DENND2B: variants seen among roughly 807,000 people sequenced by gnomAD.
DENND2B encodes the protein DENN domain containing 2B, also known as DENN domain-containing protein 2B.
In DENND2B, 32 loss-of-function variants were observed where a neutral mutation model predicts 116.0. That is an observed-to-expected ratio of 0.28 (90% CI 0.21 to 0.37). DENND2B has a LOEUF of 0.37. Ranked by LOEUF, DENND2B falls within the 10% of genes least tolerant of loss-of-function variation. DENND2B has a pLI of 1.00. For synonymous variants in DENND2B, 588 were observed against 583.9 expected (o/e 1.01, Z -0.10); for missense variants, 1,276 against 1,477.7 (o/e 0.86, Z 2.24).
chr11:8,877,127 G>A (rs1338269751), intron 2 of DENND2B, among the ~76,000 whole-genome samples: 19 of 110,566 alleles, frequency 1.7e-4, no homozygotes, highest in Admixed American at 6.1e-4. Flanking sequence ...TTTTTGAGAC[G>A]GACTCTCACT....
At chr11:8,741,999 T>G (rs531420860) in intron 2 of DENND2B, among the ~76,000 whole-genome samples, 1 of 152,322 alleles carries the variant, frequency 6.6e-6, no homozygotes, top group South Asian at 2.1e-4. Flanking sequence ...CAAGCGAGCC[T>G]CCCGCCTCAG....
At chr11:8,784,098 T>TA (rs2134277781) in intron 1 of DENND2B, 1 of 152,220 alleles carries the variant, frequency 6.6e-6, no homozygotes, top group South Asian at 2.1e-4. Context: ...TAGAACTTCA[T>TA]AAAGTCTGTC....
intron 3 of DENND2B, chr11:8,857,231 G>A (rs762367475): frequency 6.6e-6 from 1 of 152,156 alleles, no homozygotes; most frequent in Non-Finnish European, 1.5e-5. Context: ...AGAAAGCTGA[G>A]TATACACATA....
chr11:8,737,799 G>A (rs150161957), intron 2 of DENND2B, among the ~76,000 whole-genome samples: 90 of 150,046 alleles, frequency 6.0e-4, no homozygotes, highest in African/African-American at 2.0e-3. Flanking sequence ...TTGCTCTGTC[G>A]CTCAGGCTGG....
chr11:8,716,049 G>A (rs1340245537), intron 5 of DENND2B, among the ~76,000 whole-genome samples: 3 of 152,218 alleles, frequency 2.0e-5, no homozygotes, highest in Non-Finnish European at 2.9e-5. Context: ...AGCAAAAAAC[G>A]AAAGCAGAGG....
chr11:8,812,566 T>C (rs1056556753), upstream of DENND2B, among the ~76,000 whole-genome samples: 1 of 151,886 alleles, frequency 6.6e-6, no homozygotes, highest in Admixed American at 6.6e-5. Flanking sequence ...CTAGAAACAA[T>C]CCCCAAGCCT....
At chr11:8,697,159 A>AT (rs2040510284) in intron 17 of DENND2B, among the ~76,000 whole-genome samples, 1 of 152,264 alleles carries the variant, frequency 6.6e-6, no homozygotes, top group Non-Finnish European at 1.5e-5. Flanking sequence ...AAGTTGAAAC[A>AT]TAATTGCTGG....
intron 4 of DENND2B, among the ~76,000 whole-genome samples, chr11:8,826,499 T>C (rs2061982864): frequency 6.6e-6 from 1 of 152,198 alleles, no homozygotes; most frequent in South Asian, 2.1e-4. Flanking sequence ...TCTTCAGGGA[T>C]TGCTGGGATA....
intron 1 of DENND2B, among the ~76,000 whole-genome samples, chr11:8,770,110 C>T (rs1194308586): frequency 6.6e-6 from 1 of 152,242 alleles, no homozygotes; most frequent in East Asian, 1.9e-4. Context: ...ATGCTCAGAG[C>T]AGCATCTGCA....
intron 1 of DENND2B, among the ~76,000 whole-genome samples, chr11:8,759,183 C>A (rs529850163): frequency 6.6e-6 from 1 of 152,220 alleles, no homozygotes; most frequent in Non-Finnish European, 1.5e-5. Flanking sequence ...GGGTGCCCCA[C>A]CTCTAAGAAT....
chr11:8,886,036 G>C (rs10769968), intron 1 of DENND2B, among the ~76,000 whole-genome samples: 53,179 of 151,882 alleles, frequency 0.35, 10,680 homozygotes, highest in Non-Finnish European at 0.44. Context: ...GACCTCCCAG[G>C]TTCAAGTGAT....
At chr11:8,715,427 G>T (rs1157726171) in intron 6 of DENND2B, 176 bp downstream of exon 6, 1 of 634,104 alleles carries the variant, frequency 1.6e-6, no homozygotes, top group Non-Finnish European at 2.7e-6. Context: ...TTATTGATAA[G>T]AAAGGGGAAT....
rs1172589571 is a variant in DENND2B, at chr11:8,702,699, T to C, written c.2593A>G (p.Met865Val). The C allele has an allele frequency of 1.9e-6, 3 of 1,613,682 alleles. No individual in the cohort carries two copies. The highest frequency in any genetic ancestry group is 4.5e-5 in the East Asian group (2 of 44,884). The change falls in exon 14 of 20, where the codon ATG (methionine) becomes GTG (valine). Residue 865 changes from methionine to valine, a missense_variant. Met to Val is a conservative substitution (Grantham distance 21). Coordinates refer to ENST00000313726, the MANE Select transcript of DENND2B (RefSeq NM_213618.2). The surrounding 1 kb of genome is among the most constrained non-coding windows in gnomAD (Gnocchi z 4.6). ...GNEVLELRRP[M>V]DSRLEHVDFE... ...TCCACGTGCTCCAGCCTTGAGTCCA[T>C]GGGCCGCCGCAGCTCTAACACCTGC...
At chr11:8,789,895 C>T (rs2059234297) in intron 1 of DENND2B, among the ~76,000 whole-genome samples, 2 of 152,174 alleles carry the variant, frequency 1.3e-5, no homozygotes. Flanking sequence ...CAAGAAGACC[C>T]CGAGCAACAA....
At chr11:8,822,943 G>T (rs1160400964) in intron 4 of DENND2B, among the ~76,000 whole-genome samples, 1 of 152,160 alleles carries the variant, frequency 6.6e-6, no homozygotes, top group Non-Finnish European at 1.5e-5. Flanking sequence ...CTCAGAGAAG[G>T]AAGTATTGAT....
intron 1 of DENND2B, among the ~76,000 whole-genome samples, chr11:8,882,086 C>T (rs2063909667): frequency 6.6e-6 from 1 of 152,046 alleles, no homozygotes; most frequent in Admixed American, 6.6e-5. Context: ...GCTGATATTG[C>T]CAAACTATTA....
rs529537304 is a variant in DENND2B, at chr11:8,747,369, T to C, written c.80+3252A>G. Reference sequence around the variant, plus strand: ...AAGCTGTGGAGGAAATCAGCAGGTCTTCAGAGAAGAGCCCCTGCTGCCTGC... The same window carrying C: ...AAGCTGTGGAGGAAATCAGCAGGTCCTCAGAGAAGAGCCCCTGCTGCCTGC... On this transcript the variant is annotated intron_variant, in intron 2 of 19. Transcript: ENST00000313726. 3.3e-5 allele frequency among the ~76,000 whole-genome samples: 5 copies of C among 152,330 alleles called. No homozygotes were observed. The South Asian group carries it at 1.0e-3, about 32-fold the overall frequency.
Position 8,698,782 on chromosome 11 carries a change from C to G in DENND2B, c.2940+151G>C. 4 of 914,438 alleles carry G rather than the reference C, an allele frequency of 4.4e-6. No homozygotes were observed. In the South Asian group the frequency reaches 5.4e-5, roughly 12 times the overall value. The allele number at this position is 914,438 out of a possible 1,614,324, so 56.6% of individuals were successfully genotyped here. The stretch of plus-strand genomic sequence containing the variant: ...GCGGACCCTGCTAAGGTCAAGGATT[C>G]CAAGACCAGCTTCTCCCCACCCTTG... On this transcript the variant is annotated intron_variant, in intron 16 of 19. Coordinates refer to ENST00000313726, the MANE Select transcript of DENND2B (RefSeq NM_213618.2).
At chr11:8,719,255 G>A in intron 4 of DENND2B, 2 of 984,234 alleles carry the variant, frequency 2.0e-6, no homozygotes, top group South Asian at 9.4e-5. Flanking sequence ...TTTCCAAAGT[G>A]GAGCTCCCTC....
Sources: gnomAD v4.1 joint callset for allele counts (sites outside exome capture counted in the v4.1 genomes callset) on GRCh38, gnomAD v4.1.1 for gene constraint, Gnocchi (gnomAD v3.1) non-coding constraint, MANE v1.5 for transcripts, NCBI Gene and HGNC (gene_info 2026-07-23, HGNC 2026-07-21) for gene names.